RAP1GAP2: variants seen among roughly 807,000 people sequenced by gnomAD.
The protein encoded by RAP1GAP2 is rap1 GTPase-activating protein 2.
In RAP1GAP2, 27 loss-of-function variants were observed where a neutral mutation model predicts 95.0. That is an observed-to-expected ratio of 0.28 (90% confidence interval 0.21 to 0.39). RAP1GAP2 has a LOEUF of 0.39. Among genes scored for constraint, RAP1GAP2 ranks in the 10% least tolerant of loss-of-function variants. RAP1GAP2 has a pLI of 1.00. For missense variants in RAP1GAP2, 771 were observed against 970.0 expected (o/e 0.79, Z 2.72); for synonymous variants, 373 against 380.9 (o/e 0.98, Z 0.24).
At chr17:2,849,544 T>C (rs1028360857) in intron 2 of RAP1GAP2, among the ~76,000 whole-genome samples, 2 of 152,226 alleles carry the variant, frequency 1.3e-5, no homozygotes, top group Non-Finnish European at 2.9e-5. Context: ...GAACGGGCTG[T>C]GCAGCTGTCT....
intron 2 of RAP1GAP2, among the ~76,000 whole-genome samples, chr17:2,846,146 G>A (rs1324068270): frequency 2.7e-5 from 4 of 149,936 alleles, no homozygotes; most frequent in Non-Finnish European, 5.9e-5. Context: ...TTGCACCACT[G>A]CACTCCACCC....
intron 3 of RAP1GAP2, among the ~76,000 whole-genome samples, chr17:2,925,445 G>C (rs192671233): frequency 4.0e-4 from 61 of 152,280 alleles, no homozygotes; most frequent in Non-Finnish European, 2.2e-4. Context: ...GAAGAGCGAA[G>C]GAGGAGCTTC....
chr17:2,874,086 A>AT (rs2072978654), intron 2 of RAP1GAP2, among the ~76,000 whole-genome samples: 1 of 152,072 alleles, frequency 6.6e-6, no homozygotes, highest in Non-Finnish European at 1.5e-5. Flanking sequence ...TGGCTTTCTC[A>AT]TTTTCTAGCT....
intron 3 of RAP1GAP2, among the ~76,000 whole-genome samples, chr17:2,941,963 G>A (rs140472717): frequency 7.1e-4 from 108 of 152,276 alleles, no homozygotes; most frequent in African/African-American, 1.4e-3. Context: ...GATGACAGGC[G>A]TGAGCCACTG....
At chr17:3,022,227 CA>C in intron 19 of RAP1GAP2, among the ~76,000 whole-genome samples, 1 of 152,174 alleles carries the variant, frequency 6.6e-6, no homozygotes, top group East Asian at 1.9e-4. Flanking sequence ...GTGGTGGGGG[CA>C]GATGTCACAG....
intron 2 of RAP1GAP2, among the ~76,000 whole-genome samples, chr17:2,824,514 G>A (rs551066843): frequency 3.3e-5 from 5 of 149,866 alleles, no homozygotes; most frequent in Non-Finnish European, 5.9e-5. Context: ...AGGCCGAGGC[G>A]GGCAGATCAC....
chr17:2,772,342 C>G (rs2068413290), upstream of RAP1GAP2, among the ~76,000 whole-genome samples: 1 of 152,070 alleles, frequency 6.6e-6, no homozygotes, highest in South Asian at 2.1e-4. Context: ...ACGGGCTGGA[C>G]TGCAATGGGA....
At position 2,932,856 on chromosome 17, in the gene RAP1GAP2, C is replaced by T. The variant is rs958998635; in HGVS notation, c.166-24903C>T. On this transcript the variant is annotated intron_variant, in intron 3 of 24. Transcript: ENST00000254695. ...AAAAAAAAAAAAAGAGCAGGGACCA[C>T]GGGCAGGGTATGGGTTCCATGTCTG... Among the ~76,000 whole-genome samples the T allele has an allele frequency of 4.7e-4, 70 of 148,776 alleles. 1 individual carries two copies. Among genetic ancestry groups the T allele is most frequent in the African/African-American group, 1.6e-3 (65 of 40,246 alleles).
At chr17:3,019,657 C>G (rs1427558870) in intron 18 of RAP1GAP2, among the ~76,000 whole-genome samples, 1 of 152,276 alleles carries the variant, frequency 6.6e-6, no homozygotes, top group East Asian at 1.9e-4. Flanking sequence ...ATTTAATTGA[C>G]TAAATATTTT....
Position 3,005,054 on chromosome 17 carries a change from A to G in RAP1GAP2, c.1201-315A>G, listed in dbSNP as rs1015091820. Among the ~76,000 whole-genome samples, 1 of 152,020 alleles carries G rather than the reference A, an allele frequency of 6.6e-6. No individual in the cohort carries two copies. The highest frequency in any genetic ancestry group is 1.5e-5 in the Non-Finnish European group (1 of 68,004). ...GTAGGATTAGCGTCACGGTCGAATG[A>G]GGTCACGAGATGCCATCTCCCGGGC... On this transcript the variant is annotated intron_variant, in intron 14 of 24. Coordinates refer to ENST00000254695, the MANE Select transcript of RAP1GAP2 (RefSeq NM_015085.5). This position sits in a 1 kb window ranked among gnomAD's most constrained non-coding sequence, Gnocchi z 5.2.
intron 3 of RAP1GAP2, among the ~76,000 whole-genome samples, chr17:2,930,898 C>T (rs1432294348): frequency 6.6e-6 from 1 of 152,122 alleles, no homozygotes; most frequent in East Asian, 1.9e-4. Context: ...CCGAGGCGGG[C>T]AGATCACTTG....
In RAP1GAP2 at chr17:2,889,893, T is replaced by A. The variant is rs200289769; in HGVS notation, c.81-15391T>A. ...TATATATATATATATATATATATTT[T>A]TTTTTTTTTTTGTAGAGATGGGTTT... On this transcript the variant is annotated intron_variant, in intron 2 of 24. Transcript: ENST00000254695. Among the ~76,000 whole-genome samples, 416 of 97,390 alleles carry A rather than the reference T, an allele frequency of 4.3e-3. 5 individuals carry two copies. Among genetic ancestry groups the A allele is most frequent in the East Asian group, 0.015 (45 of 3,092 alleles). 63.9% of individuals were successfully genotyped at this position (97,390 alleles called of 152,430 possible). A position where few individuals can be genotyped will look rare whatever the true frequency, so the allele number is the denominator to read the frequency against.
At chr17:2,955,378 T>C (rs556199815) in intron 3 of RAP1GAP2, among the ~76,000 whole-genome samples, 172 of 152,348 alleles carry the variant, frequency 1.1e-3, no homozygotes, top group Non-Finnish European at 1.7e-3. Flanking sequence ...TGATGACTAA[T>C]GGCTTGAGTG....
chr17:2,980,478 C>A, intron 9 of RAP1GAP2, 113 bp downstream of exon 9: 1 of 1,048,910 alleles, frequency 9.5e-7, no homozygotes, highest in Non-Finnish European at 1.5e-6. Flanking sequence ...GAAGGGGAGG[C>A]CACTTTACTC....
At chr17:2,848,307 T>C (rs1325557723) in intron 2 of RAP1GAP2, among the ~76,000 whole-genome samples, 1 of 152,056 alleles carries the variant, frequency 6.6e-6, no homozygotes, top group East Asian at 1.9e-4. Flanking sequence ...CCCAGGAAAG[T>C]TGGGCTGAGC....
At chr17:3,015,764 C>T (rs1207013728) in intron 17 of RAP1GAP2, among the ~76,000 whole-genome samples, 1 of 151,988 alleles carries the variant, frequency 6.6e-6, no homozygotes, top group Non-Finnish European at 1.5e-5. Context: ...ATGCTGTGAG[C>T]TGAGATCGTG....
At chr17:2,758,014 T>C (rs7215621) in intron 1 of RAP1GAP2, among the ~76,000 whole-genome samples, 2,832 of 151,852 alleles carry the variant, frequency 0.019, 84 homozygotes, top group African/African-American at 0.064. Flanking sequence ...GGACTACAGG[T>C]GCCCGCCACC....
chr17:2,876,092 C>G (rs1009987273), intron 2 of RAP1GAP2, among the ~76,000 whole-genome samples: 1 of 151,856 alleles, frequency 6.6e-6, no homozygotes, highest in African/African-American at 2.4e-5. Context: ...CACCCGCCCC[C>G]ACGCCCGGCT....
At position 3,005,450 on chromosome 17, in the gene RAP1GAP2, TCTTC is replaced by T; in HGVS notation, c.1272+15_1272+18del. On this transcript the variant is annotated intron_variant, in intron 15 of 24. Coordinates refer to ENST00000254695, the MANE Select transcript of RAP1GAP2 (RefSeq NM_015085.5). This position sits in a 1 kb window ranked among gnomAD's most constrained non-coding sequence, Gnocchi z 5.2. ...CCCCGTTTTCCAGAAGGTAGGACAC[TCTTC>T]CTTCTGCCCCTCTCGCATCCACGAT... 2.5e-6 allele frequency: 4 copies of T among 1,607,740 alleles called. No individual in the cohort carries two copies. Among genetic ancestry groups the T allele is most frequent in the Non-Finnish European group, 2.6e-6 (3 of 1,174,316 alleles).
Sources: gnomAD v4.1 joint callset for allele counts (sites outside exome capture counted in the v4.1 genomes callset) on GRCh38, gnomAD v4.1.1 for gene constraint, Gnocchi (gnomAD v3.1) non-coding constraint, MANE v1.5 for transcripts, NCBI Gene and HGNC (gene_info 2026-07-23, HGNC 2026-07-21) for gene names.